Variants in ATXN7L2 observed in about 807,000 individuals in gnomAD.
The protein encoded by ATXN7L2 is ataxin-7-like protein 2.
In ATXN7L2, 17 loss-of-function variants were observed where a neutral mutation model predicts 59.6. The observed-to-expected ratio is 0.29, with a 90% CI of 0.20 to 0.43. The LOEUF (loss-of-function observed/expected upper bound fraction) is 0.43, where lower values mean the gene tolerates loss of function less well. Ranked by LOEUF, ATXN7L2 falls within the 20% of genes least tolerant of loss-of-function variation. The probability of loss-of-function intolerance (pLI) is 1.00; values close to 1 mark genes in which losing one functional copy is unlikely to be tolerated. For synonymous variants in ATXN7L2, 378 were observed against 392.5 expected (o/e 0.96, Z 0.44); for missense variants, 858 against 1,008.9 (o/e 0.85, Z 2.03).
rs1459776651 is a variant in ATXN7L2 at position 109,486,800 on chromosome 1, G to T, written c.298+190G>T. On this transcript the variant is annotated intron_variant, in intron 3 of 10. Coordinates refer to ENST00000683729, the MANE Select transcript of ATXN7L2 (RefSeq NM_001350175.2). This position sits in a 1 kb window ranked among gnomAD's most constrained non-coding sequence, Gnocchi z 4.3. Reference sequence around the variant, plus strand: ...TTGAACAAAATTCTAGCATCCAGTGGAATTACGGGAGGAGTTAAGACATTC... The same window carrying T: ...TTGAACAAAATTCTAGCATCCAGTGTAATTACGGGAGGAGTTAAGACATTC... 6.6e-6 allele frequency among the ~76,000 whole-genome samples: 1 copy of T among 152,196 alleles called. No homozygotes were observed. Among genetic ancestry groups the T allele is most frequent in the Non-Finnish European group, 1.5e-5 (1 of 68,028 alleles).
rs184277521 is a variant in ATXN7L2 at position 109,488,787 on chromosome 1, G to T, written c.880-60G>T. 1.9e-6 allele frequency: 3 copies of T among 1,561,326 alleles called. No homozygotes were observed. Among genetic ancestry groups the T allele is most frequent in the Non-Finnish European group, 1.7e-6 (2 of 1,147,874 alleles). On this transcript the variant is annotated intron_variant, in intron 6 of 10. Coordinates refer to ENST00000683729, the MANE Select transcript of ATXN7L2 (RefSeq NM_001350175.2). This position sits in a 1 kb window ranked among gnomAD's most constrained non-coding sequence, Gnocchi z 5.0. ...CTTGCCCGGGCCAAAGCACCCTGCC[G>T]TCCCTCACCCCTTCTCAGTTCATAC... is the stretch of plus-strand genomic sequence containing the variant.
chr1:109,487,301 C>A, intron 4 of ATXN7L2, 84 bp downstream of exon 4: 1 of 1,326,384 alleles, frequency 7.5e-7, no homozygotes, highest in Non-Finnish European at 1.0e-6. Context: ...AGCCCTGGGT[C>A]AAGGCATACT....
Position 109,491,016 on chromosome 1 carries a change from C to G in ATXN7L2, c.1549C>G (p.Leu517Val). 6.2e-7 allele frequency: 1 copy of G among 1,613,766 alleles called. No individual in the cohort carries two copies. The highest frequency in any genetic ancestry group is 8.5e-7 in the Non-Finnish European group (1 of 1,179,988). ...ATCCTCTACAGGCACCTGCCCCCGC[C>G]TTCCAGGTCCAACCCTGAGACCTGC... ...SPSSTGTCPR[L>V]PGPTLRPACP... Residue 517 changes from leucine to valine, a missense_variant, in exon 10 of 11, where the codon CTT becomes GTT. Leu to Val is a conservative substitution (Grantham distance 32). Coordinates refer to ENST00000683729, the MANE Select transcript of ATXN7L2 (RefSeq NM_001350175.2). This position sits in a 1 kb window ranked among gnomAD's most constrained non-coding sequence, Gnocchi z 4.1.
Position 109,486,190 on chromosome 1 carries a change from A to G in ATXN7L2, c.193+68A>G, listed in dbSNP as rs1656571746. The stretch of plus-strand genomic sequence containing the variant: ...GGACCACGCTCCACTTTTCCACCAC[A>G]CTACAGAAGGAGGTGGCTGCTTGAA... On this transcript the variant is annotated intron_variant, in intron 2 of 10. Transcript: ENST00000683729. This position sits in a 1 kb window ranked among gnomAD's most constrained non-coding sequence, Gnocchi z 4.3. The G allele has an allele frequency of 9.3e-6, 14 of 1,499,264 alleles. No individual in the cohort carries two copies. Among genetic ancestry groups the G allele is most frequent in the South Asian group, 1.4e-5 (1 of 72,118 alleles). 92.9% of individuals were successfully genotyped at this position (1,499,264 alleles called of 1,614,324 possible).
intron 7 of ATXN7L2, chr1:109,489,708 T>G (rs1571088262): frequency 1.7e-6 from 1 of 574,128 alleles, no homozygotes. Flanking sequence ...GGCTGGGAGG[T>G]GAAGGGGCTG....
intron 1 of ATXN7L2, 172 bp from the exon 2 acceptor site, chr1:109,485,885 G>A: frequency 7.9e-7 from 1 of 1,258,426 alleles, no homozygotes; most frequent in South Asian, 3.2e-5. Flanking sequence ...CTAGCACCAG[G>A]AGCTTGTCAC....
chr1:109,486,326 A>G lies in ATXN7L2; in HGVS notation c.194-180A>G. ...ATAGGTGATTGCCCACTCACCTGAA[A>G]GCGTATACCCTTTGGGACTGCTTAG... On this transcript the variant is annotated intron_variant, in intron 2 of 10. Transcript: ENST00000683729. The surrounding 1 kb of genome is among the most constrained non-coding windows in gnomAD (Gnocchi z 4.3). 4.2e-6 allele frequency: 4 copies of G among 958,892 alleles called. No homozygotes were observed. The highest frequency in any genetic ancestry group is 6.0e-6 in the Non-Finnish European group (4 of 665,042). 59.4% of individuals were successfully genotyped at this position (958,892 alleles called of 1,614,324 possible).
chr1:109,486,494 C>T lies in ATXN7L2; in HGVS notation c.194-12C>T, dbSNP rs1406533717. The T allele has an allele frequency of 6.2e-7, 1 of 1,603,884 alleles. No homozygotes were observed. Among genetic ancestry groups the T allele is most frequent in the Admixed American group, 1.7e-5 (1 of 59,798 alleles). On this transcript the variant is annotated splice_polypyrimidine_tract_variant and intron_variant, in intron 2 of 10. Coordinates refer to ENST00000683729, the MANE Select transcript of ATXN7L2 (RefSeq NM_001350175.2). This position sits in a 1 kb window ranked among gnomAD's most constrained non-coding sequence, Gnocchi z 4.3. Reference sequence around the variant, plus strand: ...TCTTCAGCCCCAGTGACATGGGCTTCTGTCATTGCAGACATGTCCATCTTC... The same window carrying T: ...TCTTCAGCCCCAGTGACATGGGCTTTTGTCATTGCAGACATGTCCATCTTC...
rs779201934 is a variant in ATXN7L2, at chr1:109,491,250, G to T, written c.1783G>T (p.Val595Leu). 28 of 1,614,124 alleles carry T rather than the reference G, an allele frequency of 1.7e-5. No homozygotes were observed. The Admixed American group carries it at 4.0e-4, about 23-fold the overall frequency. The change falls in exon 10 of 11, where the codon GTG (valine) becomes TTG (leucine). Residue 595 changes from valine (V) to leucine (L), a missense_variant. By Grantham distance (32) the Val-to-Leu change is conservative. This residue lies in a region of ATXN7L2 where 734 missense variants were observed against 862.3 expected (regional missense o/e 0.85). Coordinates refer to ENST00000683729, the MANE Select transcript of ATXN7L2 (RefSeq NM_001350175.2). The surrounding 1 kb of genome is among the most constrained non-coding windows in gnomAD (Gnocchi z 4.1). ...ASKSSKGKDG[V>L]EVEAPSRKRK... Reference sequence around the variant, plus strand: ...CAAGTCATCCAAAGGCAAGGACGGGGTGGAGGTGGAGGCCCCTTCTCGAAA... The same window carrying T: ...CAAGTCATCCAAAGGCAAGGACGGGTTGGAGGTGGAGGCCCCTTCTCGAAA...
rs764405873 is a variant in ATXN7L2 at position 109,488,447 on chromosome 1, C to A, written c.861C>A (p.Thr287=). The A allele has an allele frequency of 6.2e-7, 1 of 1,608,812 alleles. No individual in the cohort carries two copies. Among genetic ancestry groups the A allele is most frequent in the South Asian group, 1.1e-5 (1 of 89,950 alleles). The change falls in exon 6 of 11, where the codon ACC becomes ACA. Residue 287 remains threonine, a synonymous_variant. Coordinates refer to ENST00000683729, the MANE Select transcript of ATXN7L2 (RefSeq NM_001350175.2). This position sits in a 1 kb window ranked among gnomAD's most constrained non-coding sequence, Gnocchi z 5.0. ...VINPETKKIC[T]RLLTCKIHSV... ...ATCCAGAGACCAAAAAGATCTGTAC[C>A]CGCCTGTTGACCTGCAAGGTAACCC...
Position 109,489,918 on chromosome 1 carries a change from T to G in ATXN7L2, c.1134-12T>G. 1.9e-6 allele frequency: 3 copies of G among 1,613,034 alleles called. No homozygotes were observed. The highest frequency in any genetic ancestry group is 1.1e-5 in the South Asian group (1 of 91,062). On this transcript the variant is annotated splice_polypyrimidine_tract_variant and intron_variant, in intron 7 of 10. Transcript: ENST00000683729. ...AGTCACATTCCCCTGGCATCCCTTTTGGCCCTTCCAGGTCCCGGGCCTCCT... is the reference window on the plus strand; with the variant it reads ...AGTCACATTCCCCTGGCATCCCTTTGGGCCCTTCCAGGTCCCGGGCCTCCT...
In ATXN7L2 at chr1:109,492,721, T is replaced by G; in HGVS notation, c.*121T>G. ...ATTTTTTTTTAAGAAAAAAAGCTCT[T>G]TAAAATACCTCAAGACTGTCTCCCT... is the stretch of plus-strand genomic sequence containing the variant. On this transcript the variant is annotated 3_prime_UTR_variant, in exon 11 of 11. Coordinates refer to ENST00000683729, the MANE Select transcript of ATXN7L2 (RefSeq NM_001350175.2). The G allele has an allele frequency of 8.4e-7, 1 of 1,186,178 alleles. No individual in the cohort carries two copies. Among genetic ancestry groups the G allele is most frequent in the Non-Finnish European group, 1.2e-6 (1 of 835,868 alleles). The allele number at this position is 1,186,178 out of a possible 1,614,324, so 73.5% of individuals were successfully genotyped here. A position where few individuals can be genotyped will look rare whatever the true frequency, so the allele number is the denominator to read the frequency against.
intron 4 of ATXN7L2, 74 bp downstream of exon 4, chr1:109,487,291 A>G (rs1161260923): frequency 2.4e-5 from 33 of 1,378,956 alleles, no homozygotes; most frequent in Non-Finnish European, 3.2e-5. Flanking sequence ...CAATACAGAC[A>G]GCCCTGGGTC....
In ATXN7L2 at chr1:109,489,084, T is replaced by C. The variant is rs773547460; in HGVS notation, c.1117T>C (p.Tyr373His). ...FSVRAKQTYP[Y>H]CALPRSRASS... ...TGTTCGTGCCAAGCAGACCTACCCA[T>C]ACTGTGCACTGCCCAGGTACGTCTA... The change falls in exon 7 of 11, where the codon TAC (tyrosine) becomes CAC (histidine). Residue 373 changes from tyrosine (Y) to histidine (H), a missense_variant. Physicochemically the swap from Tyr to His is moderately conservative, Grantham distance 83. Transcript: ENST00000683729. 2 of 1,613,950 alleles carry C rather than the reference T, an allele frequency of 1.2e-6. No individual in the cohort carries two copies. The highest frequency in any genetic ancestry group is 8.5e-7 in the Non-Finnish European group (1 of 1,179,884).
At position 109,491,346 on chromosome 1, in the gene ATXN7L2, C is replaced by A; in HGVS notation, c.1879C>A (p.Pro627Thr). ...CCTGGAGCCCACTGGAAAAGGGAAA[C>A]CCTCTGGCTGTAGGGGCCTCTCGGC... ...CILEPTGKGK[P>T]SGCRGLSAKT... The change falls in exon 10 of 11, where the codon CCC (proline) becomes ACC (threonine). Residue 627 changes from proline (P) to threonine (T), a missense_variant. Pro to Thr is a conservative substitution (Grantham distance 38, BLOSUM62 -1). Around this residue, in one of 3 missense-constraint regions of ATXN7L2, gnomAD observed 734 missense variants for 862.3 expected, o/e 0.85. Transcript: ENST00000683729. This position sits in a 1 kb window ranked among gnomAD's most constrained non-coding sequence, Gnocchi z 4.1. 6.2e-7 allele frequency: 1 copy of A among 1,614,270 alleles called. No homozygotes were observed. The highest frequency in any genetic ancestry group is 8.5e-7 in the Non-Finnish European group (1 of 1,180,054).
intron 1 of ATXN7L2, chr1:109,485,550 A>G: frequency 1.0e-6 from 1 of 985,556 alleles, no homozygotes; most frequent in Non-Finnish European, 1.2e-6. Context: ...GGGGGTGGGG[A>G]CCTGGGAGAG....
intron 1 of ATXN7L2, among the ~76,000 whole-genome samples, chr1:109,484,715 TAGTG>T (rs1656449220): frequency 6.6e-6 from 1 of 152,156 alleles, no homozygotes; most frequent in Non-Finnish European, 1.5e-5. Context: ...CTGAGTGCCT[TAGTG>T]AGCGGGCCTA....
rs1024276291 is a variant in ATXN7L2, at chr1:109,486,993, C to T, written c.299-14C>T. On this transcript the variant is annotated splice_polypyrimidine_tract_variant and intron_variant, in intron 3 of 10. Transcript: ENST00000683729. This position sits in a 1 kb window ranked among gnomAD's most constrained non-coding sequence, Gnocchi z 4.3. ...CCACTCACCTTGATTATTCTTTCCA[C>T]CTCCTGGTGACAGAAAGAAGACATG... 4.5e-6 allele frequency: 7 copies of T among 1,567,618 alleles called. No individual in the cohort carries two copies. Among genetic ancestry groups the T allele is most frequent in the South Asian group, 3.6e-5 (3 of 84,380 alleles).
intron 1 of ATXN7L2, among the ~76,000 whole-genome samples, chr1:109,485,090 A>G (rs1656479064): frequency 6.6e-6 from 1 of 152,078 alleles, no homozygotes; most frequent in African/African-American, 2.4e-5. Flanking sequence ...GAGCAGACCT[A>G]AGTGGGAGCC....
Sources: gnomAD v4.1 joint callset for allele counts (sites outside exome capture counted in the v4.1 genomes callset) on GRCh38, gnomAD v4.1.1 for gene constraint, gnomAD v4.1.1 regional missense constraint, Gnocchi (gnomAD v3.1) non-coding constraint, MANE v1.5 for transcripts, NCBI Gene and HGNC (gene_info 2026-07-23, HGNC 2026-07-21) for gene names.